Variants in CYFIP1 observed in about 807,000 individuals in gnomAD.
CYFIP1 encodes the protein cytoplasmic FMR1 interacting protein 1.
CYFIP1 carries 58 observed loss-of-function variants against 163.5 expected under a neutral mutation model. The observed-to-expected ratio is 0.35, with a 90% CI of 0.29 to 0.44. The LOEUF (loss-of-function observed/expected upper bound fraction) is 0.44, where lower values mean the gene tolerates loss of function less well. Ranked by LOEUF, CYFIP1 falls within the 20% of genes least tolerant of loss-of-function variation. The pLI is 1.00. For synonymous variants in CYFIP1, 663 were observed against 660.7 expected (o/e 1.00, Z -0.05); for missense variants, 1,338 against 1,653.8 (o/e 0.81, Z 3.31).
intron 10 of CYFIP1, among the ~76,000 whole-genome samples, chr15:22,932,652 T>C (rs1335074042): frequency 6.6e-6 from 1 of 152,102 alleles, no homozygotes; most frequent in African/African-American, 2.4e-5. Flanking sequence ...TTGGCAAAAG[T>C]CAATGAAAGC....
Position 22,976,914 on chromosome 15 carries a change from G to A in CYFIP1, c.-7+3373C>T, listed in dbSNP as rs1426682894. Among the ~76,000 whole-genome samples the A allele has an allele frequency of 1.3e-4, 20 of 152,088 alleles. 1 individual carries two copies. Among genetic ancestry groups the A allele is most frequent in the Admixed American group, 7.2e-4 (11 of 15,254 alleles). On this transcript the variant is annotated intron_variant, in intron 1 of 30. Transcript: ENST00000617928. The stretch of plus-strand genomic sequence containing the variant: ...CACTGCTGTATGCAGAAATAAGGTC[G>A]CCAGGCCGGGCCCGGTGGCTCACGC...
chr15:22,890,795 C>T (rs1686249859), intron 23 of CYFIP1, among the ~76,000 whole-genome samples: 1 of 121,188 alleles, frequency 8.3e-6, no homozygotes, highest in Non-Finnish European at 1.7e-5. Flanking sequence ...GCCGCACCTG[C>T]CAACAGCCTC....
chr15:22,937,298 T>C (rs563985752), intron 8 of CYFIP1, 90 bp from the exon 9 acceptor site: 3 of 751,568 alleles, frequency 4.0e-6, no homozygotes, highest in South Asian at 1.6e-5. Flanking sequence ...GCTGATGACT[T>C]TGAAGGCACA....
rs1566968329 is a variant in CYFIP1, at chr15:22,916,688, G to A, written c.1675-58C>T. Reference sequence around the variant, plus strand: ...AAAATATACATGGTACATTAGTTATGCCAAACTCAAAAAGCCCATGAGAGA... The same window carrying A: ...AAAATATACATGGTACATTAGTTATACCAAACTCAAAAAGCCCATGAGAGA... On this transcript the variant is annotated intron_variant, in intron 15 of 30. Coordinates refer to ENST00000617928, the MANE Select transcript of CYFIP1 (RefSeq NM_014608.6). The A allele has an allele frequency of 1.9e-6, 3 of 1,614,062 alleles. No individual in the cohort carries two copies. In the Admixed American group the frequency reaches 5.0e-5, roughly 27 times the overall value.
At chr15:22,882,100 C>A (rs921464779) in intron 24 of CYFIP1, among the ~76,000 whole-genome samples, 164 bp from the exon 25 acceptor site, 2 of 152,216 alleles carry the variant, frequency 1.3e-5, no homozygotes, top group African/African-American at 4.8e-5. Context: ...GGAGAGAGAG[C>A]AACCATCACC....
intron 1 of CYFIP1, among the ~76,000 whole-genome samples, chr15:22,976,753 G>A (rs1406644921): frequency 1.3e-5 from 2 of 152,102 alleles, no homozygotes; most frequent in Admixed American, 6.5e-5. Flanking sequence ...CACAGTACAC[G>A]GAGGGTTCTG....
At position 22,939,363 on chromosome 15, in the gene CYFIP1, G is replaced by A. The variant is rs144355968; in HGVS notation, c.667-43C>T. 1.2e-3 allele frequency: 1,966 copies of A among 1,613,998 alleles called. 3 individuals carry two copies. The highest frequency in any genetic ancestry group is 2.9e-3 in the East Asian group (131 of 44,866). ...AGACTCATGCATGGGCCCGGCGCCCGGCCGGCTGCTTGGCCCATCAACCTG... is the reference window on the plus strand; with the variant it reads ...AGACTCATGCATGGGCCCGGCGCCCAGCCGGCTGCTTGGCCCATCAACCTG... On this transcript the variant is annotated intron_variant, in intron 7 of 30. Coordinates refer to ENST00000617928, the MANE Select transcript of CYFIP1 (RefSeq NM_014608.6).
intron 28 of CYFIP1, 65 bp from the exon 29 acceptor site, chr15:22,873,794 A>T: frequency 7.3e-7 from 1 of 1,360,988 alleles, no homozygotes. Flanking sequence ...CACATCCTCT[A>T]TGTCTCTTTT....
chr15:22,980,496 C>T (rs1355610126), upstream of CYFIP1: 1 of 152,110 alleles, frequency 6.6e-6, no homozygotes, highest in Non-Finnish European at 1.5e-5. Flanking sequence ...GGCGGGGCAT[C>T]CCCGGCCGGG....
chr15:22,930,590 C>T (rs985349479), intron 11 of CYFIP1, among the ~76,000 whole-genome samples: 17 of 152,058 alleles, frequency 1.1e-4, no homozygotes, highest in African/African-American at 3.6e-4. Flanking sequence ...ATCCTGACCC[C>T]GTGTAGGCCT....
chr15:22,919,183 G>A (rs57848577), intron 13 of CYFIP1, among the ~76,000 whole-genome samples: 55,384 of 152,004 alleles, frequency 0.36, 10,396 homozygotes, highest in East Asian at 0.54. Flanking sequence ...AAGCAGGCAT[G>A]ATATTACTAG....
chr15:22,970,937 G>A lies in CYFIP1; in HGVS notation c.-7+9350C>T, dbSNP rs1446580111. Reference sequence around the variant, plus strand: ...TAAAAATACAAAAAATTAGCTGGGTGTGGTGGCGGGGGCCTGTAATCCCAG... The same window carrying A: ...TAAAAATACAAAAAATTAGCTGGGTATGGTGGCGGGGGCCTGTAATCCCAG... On this transcript the variant is annotated intron_variant, in intron 1 of 30. Transcript: ENST00000617928. Among the ~76,000 whole-genome samples the A allele has an allele frequency of 2.0e-5, 3 of 152,052 alleles. No homozygotes were observed. In the East Asian group the frequency reaches 5.8e-4, roughly 29 times the overall value.
intron 11 of CYFIP1, among the ~76,000 whole-genome samples, chr15:22,931,686 G>GGAAAAAAAAAA (rs2061539568): frequency 2.5e-5 from 1 of 39,720 alleles, no homozygotes; most frequent in African/African-American, 9.3e-5. Context: ...ATGTTTTTCT[G>GGAAAAAAAAAA]AAAAAAAAAA....
intron 21 of CYFIP1, among the ~76,000 whole-genome samples, chr15:22,905,853 G>A (rs575826647): frequency 9.9e-5 from 15 of 151,484 alleles, no homozygotes; most frequent in African/African-American, 2.9e-4. Context: ...TCTGTCTCCC[G>A]GGTTCCTGCC....
chr15:22,896,263 G>A (rs2060232635), intron 22 of CYFIP1, among the ~76,000 whole-genome samples: 1 of 152,130 alleles, frequency 6.6e-6, no homozygotes, highest in Admixed American at 6.5e-5. Flanking sequence ...CTGAGGTTCA[G>A]CTCCAGCCTT....
chr15:22,891,864 C>G (rs535059372), intron 23 of CYFIP1, among the ~76,000 whole-genome samples: 60 of 152,368 alleles, frequency 3.9e-4, no homozygotes, highest in Non-Finnish European at 6.8e-4. Context: ...TCAGAGCCAG[C>G]TGGTGCGTTA....
chr15:22,894,851 A>G (rs1408256532), intron 22 of CYFIP1, among the ~76,000 whole-genome samples: 1 of 144,520 alleles, frequency 6.9e-6, no homozygotes, highest in Non-Finnish European at 1.5e-5. Flanking sequence ...CTATATGTAT[A>G]TATTATATAT....
rs921857495 is a variant in CYFIP1 at position 22,867,787 on chromosome 15, G to A, written c.*2241C>T. 6.6e-6 allele frequency: 1 copy of A among 152,134 alleles called. No individual in the cohort carries two copies. The highest frequency in any genetic ancestry group is 2.4e-5 in the African/African-American group (1 of 41,426). 9.4% of individuals were successfully genotyped at this position (152,134 alleles called of 1,614,324 possible). On this transcript the variant is annotated 3_prime_UTR_variant, in exon 31 of 31. Transcript: ENST00000617928. ...CATGTTTATAGAATATGGTCTCTTTGTACCAAGTACTTTGCTTAAGAGCTC... is the reference window on the plus strand; with the variant it reads ...CATGTTTATAGAATATGGTCTCTTTATACCAAGTACTTTGCTTAAGAGCTC...
intron 21 of CYFIP1, among the ~76,000 whole-genome samples, chr15:22,907,506 C>T (rs776819878): frequency 3.9e-5 from 6 of 152,200 alleles, no homozygotes; most frequent in Non-Finnish European, 8.8e-5. Context: ...TTCATGGCTC[C>T]TCAACCAGTT....
Sources: allele counts gnomAD v4.1 joint callset (sites outside exome capture counted in the v4.1 genomes callset), GRCh38; gene constraint gnomAD v4.1.1; transcripts MANE v1.5; gene names NCBI Gene and HGNC (gene_info 2026-07-23, HGNC 2026-07-21).